Variants in KIF5C observed in about 807,000 individuals in gnomAD.
KIF5C encodes the protein kinesin family member 5C.
In KIF5C, 18 loss-of-function variants were observed where a neutral mutation model predicts 125.2. The ratio of observed to expected loss-of-function variants is 0.14; its 90% CI spans 0.10 to 0.21. The LOEUF is 0.21. Among genes scored for constraint, KIF5C ranks in the 10% least tolerant of loss-of-function variants. The pLI, the probability that KIF5C is intolerant of heterozygous loss-of-function variation, is 1.00. For synonymous variants in KIF5C, 405 were observed against 434.0 expected (o/e 0.93, Z 0.83); for missense variants, 780 against 1,183.8 (o/e 0.66, Z 5.01).
At chr2:148,941,569 C>G (rs1183390156) in intron 4 of KIF5C, 41 bp from the exon 5 acceptor site, 1 of 1,550,846 alleles carries the variant, frequency 6.4e-7, no homozygotes, top group African/African-American at 1.4e-5. Context: ...TTGAAATACA[C>G]TGCGGCATGT....
intron 11 of KIF5C, among the ~76,000 whole-genome samples, chr2:148,966,360 G>A (rs192286853): frequency 2.0e-4 from 30 of 149,560 alleles, no homozygotes; most frequent in Admixed American, 8.6e-4. Flanking sequence ...GTGTGCGCGC[G>A]CGCACACACA....
At chr2:148,899,499 C>T (rs568788367) in intron 1 of KIF5C, among the ~76,000 whole-genome samples, 177 of 151,774 alleles carry the variant, frequency 1.2e-3, no homozygotes, top group Admixed American at 3.9e-3. Flanking sequence ...GTCAGGATTT[C>T]GAGACCAGCC....
intron 6 of KIF5C, 72 bp from the exon 7 acceptor site, chr2:148,942,601 A>G (rs1053140479): frequency 6.5e-7 from 1 of 1,545,476 alleles, no homozygotes; most frequent in East Asian, 2.4e-5. Context: ...AAACAGGAAA[A>G]TGTTTCAGCC....
At chr2:149,017,584 C>T (rs1475746139) in intron 25 of KIF5C, among the ~76,000 whole-genome samples, 4 of 152,160 alleles carry the variant, frequency 2.6e-5, no homozygotes. Context: ...CACCAGATGG[C>T]GCCAGTAGGG....
chr2:148,976,958 C>T (rs1174675755), intron 12 of KIF5C, among the ~76,000 whole-genome samples: 1 of 152,126 alleles, frequency 6.6e-6, no homozygotes, highest in African/African-American at 2.4e-5. Context: ...TATCCATGGA[C>T]AAGATCTTTA....
At chr2:149,013,816 A>G (rs879789380) in intron 25 of KIF5C, among the ~76,000 whole-genome samples, 1 of 152,190 alleles carries the variant, frequency 6.6e-6, no homozygotes, top group Admixed American at 6.5e-5. Flanking sequence ...AATGCTGGCC[A>G]TTCATCACCA....
chr2:148,907,339 C>T (rs915683760), intron 1 of KIF5C, among the ~76,000 whole-genome samples: 1 of 152,210 alleles, frequency 6.6e-6, no homozygotes, highest in African/African-American at 2.4e-5. Context: ...GCAGTTACTT[C>T]AACTCTCCAT....
chr2:149,014,253 A>G (rs1682295817), intron 25 of KIF5C, among the ~76,000 whole-genome samples: 1 of 152,140 alleles, frequency 6.6e-6, no homozygotes, highest in Non-Finnish European at 1.5e-5. Flanking sequence ...TTGAACTCCT[A>G]ACTTCAAGTG....
intron 17 of KIF5C, among the ~76,000 whole-genome samples, chr2:148,996,556 G>A (rs948384029): frequency 3.9e-5 from 6 of 152,162 alleles, no homozygotes; most frequent in South Asian, 2.1e-4. Flanking sequence ...TGTCACTGTC[G>A]TAAAGCACTC....
chr2:148,968,856 T>A (rs1423032136), intron 11 of KIF5C, among the ~76,000 whole-genome samples: 1 of 152,176 alleles, frequency 6.6e-6, no homozygotes, highest in African/African-American at 2.4e-5. Flanking sequence ...TTCCTTTTAG[T>A]TTCTTTGATA....
intron 12 of KIF5C, among the ~76,000 whole-genome samples, chr2:148,976,248 T>TATTTATTA (rs1251670218): frequency 8.7e-6 from 1 of 114,938 alleles, no homozygotes; most frequent in Non-Finnish European, 1.8e-5. Flanking sequence ...TATTTTGTTT[T>TATTTATTA]ATTTATTTAT....
intron 15 of KIF5C, 48 bp from the exon 16 acceptor site, chr2:148,990,962 C>G: frequency 6.4e-7 from 1 of 1,573,740 alleles, no homozygotes; most frequent in Non-Finnish European, 8.7e-7. Context: ...GTCCGTGAAC[C>G]TATGGAAATT....
At chr2:148,984,167 A>G (rs1207791936) in intron 15 of KIF5C, among the ~76,000 whole-genome samples, 1 of 152,250 alleles carries the variant, frequency 6.6e-6, no homozygotes, top group East Asian at 1.9e-4. Flanking sequence ...TCTCCAAGTC[A>G]GTGTGAAAGT....
intron 25 of KIF5C, among the ~76,000 whole-genome samples, chr2:149,021,681 A>G (rs1350839307): frequency 6.6e-6 from 1 of 151,978 alleles, no homozygotes; most frequent in Non-Finnish European, 1.5e-5. Context: ...GGCAAAACAG[A>G]AAGCATAATG....
chr2:148,941,517 C>A, intron 4 of KIF5C, 93 bp from the exon 5 acceptor site: 1 of 1,482,946 alleles, frequency 6.7e-7, no homozygotes, highest in Non-Finnish European at 9.1e-7. Context: ...TCTTCTTAGC[C>A]ATGCATGATG....
intron 11 of KIF5C, among the ~76,000 whole-genome samples, chr2:148,968,774 T>C (rs894073738): frequency 6.6e-6 from 1 of 152,204 alleles, no homozygotes; most frequent in Non-Finnish European, 1.5e-5. Flanking sequence ...AATGATTTTT[T>C]TTTTTTAACA....
intron 1 of KIF5C, among the ~76,000 whole-genome samples, chr2:148,895,755 C>T (rs1681821369): frequency 6.6e-6 from 1 of 151,896 alleles, no homozygotes; most frequent in South Asian, 2.1e-4. Flanking sequence ...ATCGAGGTGC[C>T]AAGGTTGGTT....
At chr2:148,974,971 T>C (rs1681023152) in intron 12 of KIF5C, among the ~76,000 whole-genome samples, 1 of 152,232 alleles carries the variant, frequency 6.6e-6, no homozygotes, top group Admixed American at 6.5e-5. Flanking sequence ...ATGTAGTGAT[T>C]AGGACAGAGA....
At chr2:148,947,473 G>A in intron 8 of KIF5C, 2 of 189,676 alleles carry the variant, frequency 1.1e-5, no homozygotes, top group South Asian at 1.1e-4. Context: ...GGAACCTGGG[G>A]CGCTCCCTGC....
Sources: allele counts gnomAD v4.1 joint callset (sites outside exome capture counted in the v4.1 genomes callset), GRCh38; gene constraint gnomAD v4.1.1; transcripts MANE v1.5; gene names NCBI Gene and HGNC (gene_info 2026-07-23, HGNC 2026-07-21).